The following TTBK2 variants were observed in gnomAD, a reference collection of about 807,000 sequenced individuals.
TTBK2 encodes tau tubulin kinase 2, also known as tau-tubulin kinase 2.
A neutral mutation model predicts 110.8 loss-of-function variants in TTBK2; 28 were observed. That is an observed-to-expected ratio of 0.25 (90% CI 0.19 to 0.35). TTBK2 has a LOEUF of 0.35. TTBK2 is among the 10% of genes least tolerant of loss of function. TTBK2 has a pLI of 1.00. For missense variants in TTBK2, 1,369 were observed against 1,500.3 expected (o/e 0.91, Z 1.45); for synonymous variants, 532 against 527.3 (o/e 1.01, Z -0.12).
intron 13 of TTBK2, among the ~76,000 whole-genome samples, chr15:42,767,581 G>C (rs1403784397): frequency 6.6e-6 from 1 of 152,046 alleles, no homozygotes; most frequent in African/African-American, 2.4e-5. Context: ...GAATCTCTGA[G>C]TAGACCAATA....
chr15:42,853,605 G>A (rs1433180541), intron 3 of TTBK2, among the ~76,000 whole-genome samples: 2 of 152,188 alleles, frequency 1.3e-5, no homozygotes, highest in Non-Finnish European at 2.9e-5. Context: ...AGATGATGCT[G>A]ATCACTCGCA....
At chr15:42,815,909 T>TTAAA (rs1374651969) in intron 7 of TTBK2, among the ~76,000 whole-genome samples, 2 of 103,188 alleles carry the variant, frequency 1.9e-5, no homozygotes, top group Non-Finnish European at 3.4e-5. Flanking sequence ...TATATATATT[T>TTAAA]AAAAATATAT....
chr15:42,785,859 T>C (rs1890391479), intron 10 of TTBK2, among the ~76,000 whole-genome samples: 1 of 152,092 alleles, frequency 6.6e-6, no homozygotes, highest in African/African-American at 2.4e-5. Flanking sequence ...CAGTACATTA[T>C]ACTGACTCCT....
intron 11 of TTBK2, among the ~76,000 whole-genome samples, chr15:42,782,250 T>G (rs1890211433): frequency 6.6e-6 from 1 of 152,172 alleles, no homozygotes; most frequent in South Asian, 2.1e-4. Flanking sequence ...TTTTGTATTT[T>G]TAGTAGAGAC....
At chr15:42,799,996 G>T (rs1216065203) in intron 9 of TTBK2, among the ~76,000 whole-genome samples, 1 of 152,038 alleles carries the variant, frequency 6.6e-6, no homozygotes, top group Non-Finnish European at 1.5e-5. Flanking sequence ...TACTTGGGAG[G>T]CTGAGGTGGG....
chr15:42,904,427 T>A lies in TTBK2; in HGVS notation c.-68+16011A>T, dbSNP rs549399882. Among the ~76,000 whole-genome samples the A allele has an allele frequency of 5.3e-5, 8 of 152,216 alleles. No homozygotes were observed. The East Asian group carries it at 1.5e-3, about 29-fold the overall frequency. ...TCAGTAAGATTTACAATAAAAAAAATCTTGGTGCAAGAACACTAGATACTG... is the reference window on the plus strand; with the variant it reads ...TCAGTAAGATTTACAATAAAAAAAAACTTGGTGCAAGAACACTAGATACTG... On this transcript the variant is annotated intron_variant, in intron 1 of 14. Transcript: ENST00000267890.
chr15:42,860,500 A>G (rs959251077), intron 3 of TTBK2, among the ~76,000 whole-genome samples: 35 of 151,992 alleles, frequency 2.3e-4, no homozygotes, highest in African/African-American at 8.2e-4. Context: ...GTATCCCAAC[A>G]CTTTGGGAAG....
At chr15:42,748,762 T>G (rs893835465) in intron 14 of TTBK2, among the ~76,000 whole-genome samples, 2 of 152,100 alleles carry the variant, frequency 1.3e-5, no homozygotes, top group African/African-American at 4.8e-5. Flanking sequence ...TTTCCCCTCT[T>G]CCTCAAAATA....
At chr15:42,816,071 A>AAAT (rs1891988597) in intron 7 of TTBK2, among the ~76,000 whole-genome samples, 2 of 86,038 alleles carry the variant, frequency 2.3e-5, no homozygotes, top group East Asian at 3.8e-4. Flanking sequence ...TATATATATA[A>AAAT]AAATAAATAA....
At chr15:42,881,169 G>C (rs1370916444) in intron 1 of TTBK2, among the ~76,000 whole-genome samples, 2 of 151,028 alleles carry the variant, frequency 1.3e-5, no homozygotes, top group Non-Finnish European at 2.9e-5. Context: ...TATAGTCCCA[G>C]CTACTCAGGA....
At chr15:42,746,292 A>G in intron 14 of TTBK2, 35 bp from the exon 15 acceptor site, 1 of 1,514,986 alleles carries the variant, frequency 6.6e-7, no homozygotes, top group Non-Finnish European at 9.0e-7. Context: ...TTTAATTTTA[A>G]TTCATTTCAA....
chr15:42,868,862 AAAAT>A (rs138092138), intron 3 of TTBK2, among the ~76,000 whole-genome samples: 57,149 of 146,018 alleles, frequency 0.39, 15,228 homozygotes, highest in African/African-American at 0.77. Flanking sequence ...CCTTGTCTCA[AAAAT>A]AAATAAATAA....
At chr15:42,853,103 TGGAGACTTCAGGGA>T (rs2141054600) in intron 3 of TTBK2, among the ~76,000 whole-genome samples, 1 of 152,338 alleles carries the variant, frequency 6.6e-6, no homozygotes, top group East Asian at 1.9e-4. Flanking sequence ...CAGCAGTAGC[TGGAGACTTCAGGGA>T]AGTCTCCAGG....
Position 42,775,386 on chromosome 15 carries a change from G to T in TTBK2, c.1747C>A (p.Pro583Thr), listed in dbSNP as rs1340032887. 4 of 1,614,052 alleles carry T rather than the reference G, an allele frequency of 2.5e-6. No homozygotes were observed. In the African/African-American group the frequency reaches 4.0e-5, roughly 16 times the overall value. The change falls in exon 13 of 15, where the codon CCT becomes ACT. Residue 583 changes from proline (P) to threonine (T), a missense_variant. Coordinates refer to ENST00000267890, the MANE Select transcript of TTBK2 (RefSeq NM_173500.4). ...GCCTCCAGGACTTGAAGTACTTCAG[G>T]CTCCTCATCAGAAGGACTTCCAGTT... The part of the protein sequence containing the change: ...KTTGSPSDEE[P>T]EVLQVLEASP...
chr15:42,885,677 G>T (rs1157389018), intron 1 of TTBK2, among the ~76,000 whole-genome samples: 1 of 151,896 alleles, frequency 6.6e-6, no homozygotes, highest in East Asian at 1.9e-4. Context: ...TCTTCTTTTG[G>T]TGTCTCTACC....
chr15:42,776,021 G>A (rs912144403), intron 12 of TTBK2, among the ~76,000 whole-genome samples: 6 of 152,090 alleles, frequency 3.9e-5, no homozygotes, highest in Admixed American at 6.6e-5. Context: ...TTCTCAATAT[G>A]AGCCACAACT....
intron 2 of TTBK2, among the ~76,000 whole-genome samples, chr15:42,876,807 GA>G (rs1236577731): frequency 6.6e-6 from 1 of 152,108 alleles, no homozygotes; most frequent in Admixed American, 6.5e-5. Context: ...TCTAGGAAAA[GA>G]AAGCCATTGA....
rs765294536 is a variant in TTBK2 at position 42,752,030 on chromosome 15, C to T, written c.3216G>A (p.Gln1072=). ...TDQVNSSTSS[Q]FFPRPPPGKP... ...TTCCTGGTGGTGGCCGAGGAAAGAACTGAGACGAAGTTGAGCTATTGACCT... is the reference window on the plus strand; with the variant it reads ...TTCCTGGTGGTGGCCGAGGAAAGAATTGAGACGAAGTTGAGCTATTGACCT... The change falls in exon 14 of 15, where the codon CAG becomes CAA. Residue 1072 remains glutamine (Q), a synonymous_variant. Transcript: ENST00000267890. The T allele has an allele frequency of 5.1e-5, 83 of 1,614,076 alleles. No individual in the cohort carries two copies. Among genetic ancestry groups the T allele is most frequent in the Non-Finnish European group, 6.8e-5 (80 of 1,180,042 alleles).
intron 7 of TTBK2, among the ~76,000 whole-genome samples, chr15:42,815,875 AATATATATATATTTAAAAAT>A (rs1417154437): frequency 8.1e-4 from 90 of 111,754 alleles, no homozygotes; most frequent in South Asian, 1.1e-3. Context: ...TATATATTTA[AATATATATATATTTAAAAAT>A]ATATATATAT....
Sources: allele counts gnomAD v4.1 joint callset (sites outside exome capture counted in the v4.1 genomes callset), GRCh38; gene constraint gnomAD v4.1.1; transcripts MANE v1.5; gene names NCBI Gene and HGNC (gene_info 2026-07-23, HGNC 2026-07-21).